Variants in DIPK1A observed in about 807,000 individuals in gnomAD.
DIPK1A encodes divergent protein kinase domain 1A.
Under a neutral mutation model 40.8 loss-of-function variants are expected in DIPK1A, and 27 were observed. That is an observed-to-expected ratio of 0.66 (90% confidence interval 0.49 to 0.91). The LOEUF is 0.91. DIPK1A is among the 40% of genes least tolerant of loss of function. DIPK1A has a pLI of 0.00. For synonymous variants in DIPK1A, 166 were observed against 171.3 expected, an observed-to-expected ratio of 0.97 and a Z score of 0.24; for missense variants, 412 against 505.7, an observed-to-expected ratio of 0.81 and a Z score of 1.78.
intron 2 of DIPK1A, among the ~76,000 whole-genome samples, chr1:92,867,475 C>A (rs1269179004): frequency 6.6e-6 from 1 of 152,086 alleles, no homozygotes; most frequent in Non-Finnish European, 1.5e-5. Flanking sequence ...ACAAGATAGA[C>A]CACAACTGTT....
Position 92,842,294 on chromosome 1 carries a change from T to A in DIPK1A, c.*1089A>T, listed in dbSNP as rs1034685189. The stretch of plus-strand genomic sequence containing the variant: ...AGAAAGCTGTCCAGTGATGGTCACA[T>A]AGATTTTTAACATGTTCCACTTTAG... On this transcript the variant is annotated 3_prime_UTR_variant, in exon 5 of 5. Transcript: ENST00000370310. The A allele has an allele frequency of 1.0e-6, 1 of 986,358 alleles. No homozygotes were observed. Among genetic ancestry groups the A allele is most frequent in the Non-Finnish European group, 1.2e-6 (1 of 830,602 alleles). The allele number at this position is 986,358 out of a possible 1,614,324, so 61.1% of individuals were successfully genotyped here.
chr1:92,845,111 AT>A (rs1346643389), intron 4 of DIPK1A, among the ~76,000 whole-genome samples: 3 of 149,562 alleles, frequency 2.0e-5, no homozygotes, highest in Admixed American at 6.7e-5. Flanking sequence ...CGCCCAGCTA[AT>A]TTTTTTTTGT....
At chr1:92,839,012 G>A, downstream of DIPK1A, among the ~76,000 whole-genome samples, 1 of 144,088 alleles carries the variant, frequency 6.9e-6, no homozygotes, top group South Asian at 2.3e-4. Flanking sequence ...ATAATTATTA[G>A]ATATTCAGAG....
chr1:92,887,463 TA>T (rs1160723698), intron 1 of DIPK1A, among the ~76,000 whole-genome samples: 1 of 151,722 alleles, frequency 6.6e-6, no homozygotes, highest in Non-Finnish European at 1.5e-5. Flanking sequence ...AAAAGAAAAC[TA>T]TGCAACTGGA....
rs397686539 is a variant in DIPK1A, at chr1:92,900,319, T to TC, written c.55-23890dup. Among the ~76,000 whole-genome samples, 10 of 151,836 alleles carry TC rather than the reference T, an allele frequency of 6.6e-5. No individual in the cohort carries two copies. In the East Asian group the frequency reaches 7.8e-4, roughly 12 times the overall value. ...ACTGTTTTTCATTCTTACTTTTTTTTCCCCCTGACTGGGTAATTTCAAATG... is the reference window on the plus strand; with the variant it reads ...ACTGTTTTTCATTCTTACTTTTTTTTCCCCCCTGACTGGGTAATTTCAAATG... On this transcript the variant is annotated intron_variant, in intron 1 of 4. Transcript: ENST00000370310.
At chr1:92,837,113 C>T (rs953959294) in intron 4 of DIPK1A, 3 of 374,690 alleles carry the variant, frequency 8.0e-6, no homozygotes, top group Non-Finnish European at 1.5e-5. Context: ...TTGGACAAAT[C>T]ACTTATTCCC....
intron 2 of DIPK1A, among the ~76,000 whole-genome samples, chr1:92,860,239 T>G (rs1688118261): frequency 6.6e-6 from 1 of 152,148 alleles, no homozygotes; most frequent in Admixed American, 6.5e-5. Flanking sequence ...AGCTTCAGAT[T>G]GCACGGAGGG....
intron 1 of DIPK1A, among the ~76,000 whole-genome samples, chr1:92,956,065 A>T (rs773732574): frequency 1.3e-5 from 2 of 151,846 alleles, no homozygotes; most frequent in African/African-American, 2.4e-5. Context: ...AGAAAAGGGG[A>T]AAAAAAAGAA....
chr1:92,904,933 C>T (rs568472157), intron 1 of DIPK1A, among the ~76,000 whole-genome samples: 31 of 152,254 alleles, frequency 2.0e-4, no homozygotes, highest in Non-Finnish European at 4.3e-4. Context: ...GTTTATTTCA[C>T]TTAACATAAT....
chr1:92,846,629 C>CT, intron 4 of DIPK1A: 2 of 385,472 alleles, frequency 5.2e-6, no homozygotes, highest in South Asian at 1.8e-5. Context: ...GATTTCTTTT[C>CT]TTTTTCTTTT....
rs141504694 is a variant in DIPK1A at position 92,955,172 on chromosome 1, T to C, written c.54+6204A>G. ...TGGAGACAATAAAGACCAGTGGCTT[T>C]TGGGGGCTCAGTGGGGACAGAAGGA... On this transcript the variant is annotated intron_variant, in intron 1 of 4. Transcript: ENST00000370310. Among the ~76,000 whole-genome samples the C allele has an allele frequency of 2.2e-3, 338 of 152,106 alleles. 2 individuals carry two copies. Among genetic ancestry groups the C allele is most frequent in the East Asian group, 0.012 (64 of 5,188 alleles).
intron 1 of DIPK1A, among the ~76,000 whole-genome samples, chr1:92,923,907 G>A (rs1220436648): frequency 2.0e-5 from 3 of 152,112 alleles, no homozygotes; most frequent in Non-Finnish European, 2.9e-5. Context: ...AAACAAAAAC[G>A]AAACTACAAT....
intron 1 of DIPK1A, among the ~76,000 whole-genome samples, chr1:92,926,679 T>C (rs1650524414): frequency 1.3e-5 from 2 of 152,356 alleles, no homozygotes; most frequent in South Asian, 4.1e-4. Context: ...TTTATGTATT[T>C]TGAAGCTAAT....
chr1:92,957,670 G>C (rs1476468457), intron 1 of DIPK1A, among the ~76,000 whole-genome samples: 1 of 152,222 alleles, frequency 6.6e-6, no homozygotes, highest in Non-Finnish European at 1.5e-5. Flanking sequence ...AAAAGGCAGA[G>C]AGAAGAAGGA....
intron 2 of DIPK1A, among the ~76,000 whole-genome samples, chr1:92,853,484 T>C (rs1349196167): frequency 6.6e-6 from 1 of 152,180 alleles, no homozygotes; most frequent in Non-Finnish European, 1.5e-5. Flanking sequence ...CCACATTCAA[T>C]AGTAGACAAC....
chr1:92,929,821 C>T (rs11164838), intron 1 of DIPK1A, among the ~76,000 whole-genome samples: 55,528 of 151,962 alleles, frequency 0.37, 12,007 homozygotes, highest in East Asian at 0.72. Context: ...TTTGATTCTT[C>T]ATCCACCTTC....
rs1241857930 is a variant in DIPK1A at position 92,896,818 on chromosome 1, A to AACAACCCC, written c.55-20396_55-20389dup. 2.1e-3 allele frequency among the ~76,000 whole-genome samples: 318 copies of AACAACCCC among 151,840 alleles called. 3 individuals carry two copies. The South Asian group carries it at 0.03, about 14-fold the overall frequency. On this transcript the variant is annotated intron_variant, in intron 1 of 4. Transcript: ENST00000370310. ...CAAACAAATTTACAAGAAAAAAACA[A>AACAACCCC]ACAACCCCATCAAAAAGTGGGTGAA...
intron 1 of DIPK1A, among the ~76,000 whole-genome samples, chr1:92,889,430 A>G (rs1232156923): frequency 6.6e-6 from 1 of 152,156 alleles, no homozygotes; most frequent in African/African-American, 2.4e-5. Flanking sequence ...TGGTAGTGTG[A>G]TGCCTAAAGC....
chr1:92,943,201 G>A (rs913301689), intron 1 of DIPK1A, among the ~76,000 whole-genome samples: 1 of 152,178 alleles, frequency 6.6e-6, no homozygotes, highest in Non-Finnish European at 1.5e-5. Flanking sequence ...AAGAAAAGTA[G>A]GAAATTCACC....
Sources: allele counts gnomAD v4.1 joint callset (sites outside exome capture counted in the v4.1 genomes callset), GRCh38; gene constraint gnomAD v4.1.1; transcripts MANE v1.5; gene names NCBI Gene and HGNC (gene_info 2026-07-23, HGNC 2026-07-21).